DSCAM: variants seen among roughly 807,000 people sequenced by gnomAD.
DSCAM encodes cell adhesion molecule DSCAM.
A neutral mutation model predicts 217.7 loss-of-function variants in DSCAM; 47 were observed. The ratio of observed to expected loss-of-function variants is 0.22; its 90% confidence interval spans 0.17 to 0.28. DSCAM has a LOEUF of 0.28. Among genes scored for constraint, DSCAM ranks in the 10% least tolerant of loss-of-function variants. The pLI is 1.00. For missense variants in DSCAM, 2,080 were observed against 2,618.3 expected, an observed-to-expected ratio of 0.79 and a Z score of 4.49; for synonymous variants, 1,056 against 1,015.3, an observed-to-expected ratio of 1.04 and a Z score of -0.76.
intron 1 of DSCAM, among the ~76,000 whole-genome samples, chr21:40,820,919 CT>C (rs1284895182): frequency 1.3e-5 from 2 of 151,600 alleles, no homozygotes; most frequent in Non-Finnish European, 2.9e-5. Flanking sequence ...AGTAAATTGC[CT>C]TAAAATATAT....
intron 11 of DSCAM, among the ~76,000 whole-genome samples, chr21:40,265,135 T>C (rs1601498167): frequency 6.6e-6 from 1 of 151,184 alleles, no homozygotes; most frequent in African/African-American, 2.4e-5. Flanking sequence ...GAGGTTGCAG[T>C]GAGCCGAAAT....
Position 40,109,614 on chromosome 21 carries a change from C to T in DSCAM, c.3696+14581G>A, listed in dbSNP as rs144937625. 3.1e-3 allele frequency among the ~76,000 whole-genome samples: 475 copies of T among 152,344 alleles called. 2 individuals carry two copies. The highest frequency in any genetic ancestry group is 0.011 in the African/African-American group (437 of 41,578). ...GCACCGAGCATGAGGCAAAGCAGGG[C>T]GAGGCATCGCCTCACCCAGGAAGCA... On this transcript the variant is annotated intron_variant, in intron 20 of 32. Coordinates refer to ENST00000400454, the MANE Select transcript of DSCAM (RefSeq NM_001389.5).
chr21:40,174,861 C>T (rs978242588), intron 15 of DSCAM, among the ~76,000 whole-genome samples: 2 of 152,202 alleles, frequency 1.3e-5, no homozygotes, highest in South Asian at 2.1e-4. Flanking sequence ...CAGCTTATGG[C>T]CTGGGACATG....
At chr21:40,019,918 C>T (rs963385594) in intron 32 of DSCAM, among the ~76,000 whole-genome samples, 3 of 152,160 alleles carry the variant, frequency 2.0e-5, no homozygotes, top group Non-Finnish European at 4.4e-5. Flanking sequence ...CCACATTTCC[C>T]CCCTTCCCCT....
chr21:40,113,631 T>G (rs1382895444), intron 20 of DSCAM, among the ~76,000 whole-genome samples: 1 of 152,280 alleles, frequency 6.6e-6, no homozygotes, highest in East Asian at 1.9e-4. Context: ...TGTCCCTGTT[T>G]GCAGATGACA....
chr21:40,540,227 T>C (rs1196685212), intron 3 of DSCAM, among the ~76,000 whole-genome samples: 1 of 152,166 alleles, frequency 6.6e-6, no homozygotes, highest in Admixed American at 6.5e-5. Context: ...AACACTCTAT[T>C]CATTAATCCA....
chr21:40,469,370 T>C (rs530629119), intron 3 of DSCAM, among the ~76,000 whole-genome samples: 11 of 152,194 alleles, frequency 7.2e-5, no homozygotes, highest in African/African-American at 1.4e-4. Flanking sequence ...AAATCCAGCA[T>C]AGGGGAGACA....
At chr21:40,743,955 A>T (rs2091149626) in intron 1 of DSCAM, among the ~76,000 whole-genome samples, 1 of 152,236 alleles carries the variant, frequency 6.6e-6, no homozygotes, top group African/African-American at 2.4e-5. Flanking sequence ...CTATTAAAAG[A>T]CAAGAATACC....
intron 11 of DSCAM, among the ~76,000 whole-genome samples, chr21:40,226,852 T>C (rs1297943903): frequency 7.2e-5 from 11 of 152,150 alleles, no homozygotes; most frequent in Admixed American, 7.2e-4. Flanking sequence ...TATCCAGGTA[T>C]TAAGCCTAGT....
chr21:40,261,553 C>T (rs2073450250), intron 11 of DSCAM, among the ~76,000 whole-genome samples: 1 of 151,890 alleles, frequency 6.6e-6, no homozygotes, highest in African/African-American at 2.4e-5. Flanking sequence ...AGCTTGATGG[C>T]TTTCAGATTG....
At chr21:40,482,053 C>CG (rs1039257259) in intron 3 of DSCAM, among the ~76,000 whole-genome samples, 2 of 152,278 alleles carry the variant, frequency 1.3e-5, no homozygotes, top group Admixed American at 6.5e-5. Context: ...AACACCACTC[C>CG]GGGGGGAAGA....
At chr21:40,290,774 A>G (rs1224609155) in intron 10 of DSCAM, among the ~76,000 whole-genome samples, 1 of 152,208 alleles carries the variant, frequency 6.6e-6, no homozygotes, top group Non-Finnish European at 1.5e-5. Context: ...CTTTGGGTGT[A>G]AAAAGGCAAG....
chr21:40,347,298 C>CAAAAA (rs796531226), intron 6 of DSCAM, among the ~76,000 whole-genome samples: 103 of 79,422 alleles, frequency 1.3e-3, no homozygotes, highest in African/African-American at 3.8e-3. Context: ...AACTCCATCT[C>CAAAAA]AAAAAAAAAA....
chr21:40,611,811 A>G (rs2089319378), intron 3 of DSCAM, among the ~76,000 whole-genome samples: 1 of 151,026 alleles, frequency 6.6e-6, no homozygotes, highest in South Asian at 2.1e-4. Context: ...TAAATCACAC[A>G]ACTAATTATT....
chr21:40,572,423 C>T (rs1027116689), intron 3 of DSCAM, among the ~76,000 whole-genome samples: 2 of 152,040 alleles, frequency 1.3e-5, no homozygotes, highest in East Asian at 1.9e-4. Flanking sequence ...TACTTAAATA[C>T]AATTGTATTG....
chr21:40,240,601 A>C (rs2073139953), intron 11 of DSCAM, among the ~76,000 whole-genome samples: 1 of 151,938 alleles, frequency 6.6e-6, no homozygotes, highest in African/African-American at 2.4e-5. Flanking sequence ...CAATGTCAGA[A>C]ATTTCTTCCC....
At chr21:40,739,907 G>A (rs906465166) in intron 1 of DSCAM, among the ~76,000 whole-genome samples, 2 of 144,150 alleles carry the variant, frequency 1.4e-5, no homozygotes, top group Non-Finnish European at 3.0e-5. Context: ...ATCATCACAA[G>A]TGGAAATGTC....
chr21:40,282,590 CAAAAAAAAAAAA>C (rs528248714), intron 10 of DSCAM, among the ~76,000 whole-genome samples: 8,924 of 33,034 alleles, frequency 0.27, 703 homozygotes, highest in African/African-American at 0.39. Context: ...GACTCTGTCT[CAAAAAAAAAAAA>C]AAAAAAAAAA....
At chr21:40,277,826 G>A (rs1315069863) in intron 10 of DSCAM, among the ~76,000 whole-genome samples, 2 of 149,334 alleles carry the variant, frequency 1.3e-5, no homozygotes, top group Non-Finnish European at 1.5e-5. Flanking sequence ...CTGAGATCAC[G>A]GCGCTGCACT....
Sources: allele counts gnomAD v4.1 joint callset (sites outside exome capture counted in the v4.1 genomes callset), GRCh38; gene constraint gnomAD v4.1.1; transcripts MANE v1.5; gene names NCBI Gene and HGNC (gene_info 2026-07-23, HGNC 2026-07-21).